BICDL1: variants seen among roughly 807,000 people sequenced by gnomAD.
BICDL1 encodes BICD family like cargo adaptor 1, also known as BICD family-like cargo adapter 1.
A neutral mutation model predicts 76.8 loss-of-function variants in BICDL1; 20 were observed. The ratio of observed to expected loss-of-function variants is 0.26; its 90% CI spans 0.18 to 0.38. The LOEUF is 0.38. BICDL1 is among the 10% of genes least tolerant of loss of function. BICDL1 has a pLI of 1.00. For missense variants in BICDL1, 700 were observed against 798.6 expected, an observed-to-expected ratio of 0.88 and a Z score of 1.49; for synonymous variants, 383 against 337.1, an observed-to-expected ratio of 1.14 and a Z score of -1.49.
At chr12:120,073,004 G>A (rs1490637214) in intron 6 of BICDL1, among the ~76,000 whole-genome samples, 1 of 152,122 alleles carries the variant, frequency 6.6e-6, no homozygotes, top group Non-Finnish European at 1.5e-5. Context: ...CTGAGTAGCT[G>A]GGATTACAGG....
chr12:120,041,488 GCAAA>G (rs1952640648), intron 2 of BICDL1, among the ~76,000 whole-genome samples: 1 of 152,164 alleles, frequency 6.6e-6, no homozygotes. Context: ...GGTTGTGGCA[GCAAA>G]CAAAGGCCCA....
intron 7 of BICDL1, 83 bp from the exon 8 acceptor site, chr12:120,080,804 G>C: frequency 6.6e-7 from 1 of 1,517,136 alleles, no homozygotes; most frequent in South Asian, 1.2e-5. Context: ...GGTCCTGCCT[G>C]GGGTCTCTTT....
At chr12:120,040,897 G>A (rs1238838837) in intron 2 of BICDL1, among the ~76,000 whole-genome samples, 2 of 151,880 alleles carry the variant, frequency 1.3e-5, no homozygotes, top group Non-Finnish European at 2.9e-5. Flanking sequence ...ACAGGCATGT[G>A]CACCACACGT....
intron 2 of BICDL1, among the ~76,000 whole-genome samples, chr12:120,001,403 C>A (rs551196931): frequency 6.6e-6 from 1 of 152,140 alleles, no homozygotes; most frequent in East Asian, 1.9e-4. Flanking sequence ...CCTGCCACCA[C>A]GCCCGGCTAA....
chr12:120,001,969 C>A (rs1951768291), intron 2 of BICDL1, among the ~76,000 whole-genome samples: 1 of 152,136 alleles, frequency 6.6e-6, no homozygotes. Flanking sequence ...GACTTTGAAG[C>A]TGCAATGAGC....
At chr12:120,080,710 C>A (rs1037722363) in intron 7 of BICDL1, 177 bp from the exon 8 acceptor site, 2 of 540,826 alleles carry the variant, frequency 3.7e-6, no homozygotes, top group African/African-American at 3.8e-5. Context: ...TGATGTGGTA[C>A]CCTTTCTTCA....
At chr12:120,027,138 C>T (rs1952323538) in intron 2 of BICDL1, among the ~76,000 whole-genome samples, 1 of 144,432 alleles carries the variant, frequency 6.9e-6, no homozygotes, top group Non-Finnish European at 1.5e-5. Context: ...TCATGTGATT[C>T]TCGTGCCTCA....
Position 120,042,673 on chromosome 12 carries a change from C to T in BICDL1, c.646-19037C>T, listed in dbSNP as rs566134234. On this transcript the variant is annotated intron_variant, in intron 2 of 9. Transcript: ENST00000548673. ...TACAAAAATTAGCTGCGTTTGGTGG[C>T]GGGTGCCTGTAATCCCAGCTACTCA... is the stretch of plus-strand genomic sequence containing the variant. 5.3e-5 allele frequency among the ~76,000 whole-genome samples: 8 copies of T among 151,878 alleles called. No homozygotes were observed. The East Asian group carries it at 1.5e-3, about 29-fold the overall frequency.
intron 2 of BICDL1, among the ~76,000 whole-genome samples, chr12:120,045,560 A>G (rs1566240247): frequency 6.6e-6 from 1 of 152,090 alleles, no homozygotes; most frequent in Non-Finnish European, 1.5e-5. Context: ...AAAATGTGGC[A>G]CATATACACC....
chr12:120,030,681 C>A (rs1214780368), intron 2 of BICDL1, among the ~76,000 whole-genome samples: 23 of 152,142 alleles, frequency 1.5e-4, no homozygotes, highest in Admixed American at 1.5e-3. Context: ...TGCAGGATGA[C>A]CCACATCACT....
At chr12:120,077,144 T>C (rs1873614269) in intron 7 of BICDL1, among the ~76,000 whole-genome samples, 1 of 152,248 alleles carries the variant, frequency 6.6e-6, no homozygotes, top group African/African-American at 2.4e-5. Flanking sequence ...TTTTCTCTCT[T>C]GAAAACTAGG....
At chr12:120,078,217 C>T (rs1222671816) in intron 7 of BICDL1, among the ~76,000 whole-genome samples, 7 of 152,154 alleles carry the variant, frequency 4.6e-5, no homozygotes, top group Non-Finnish European at 1.5e-5. Context: ...TCACAGTTAC[C>T]CTGCTCACAT....
chr12:120,064,950 G>A, intron 4 of BICDL1, 71 bp downstream of exon 4: 1 of 1,509,138 alleles, frequency 6.6e-7, no homozygotes, highest in Non-Finnish European at 8.9e-7. Context: ...AAAAGAAAAG[G>A]CTGGGAGGCC....
At chr12:119,999,015 C>T (rs1309505902) in intron 2 of BICDL1, among the ~76,000 whole-genome samples, 1 of 142,186 alleles carries the variant, frequency 7.0e-6, no homozygotes, top group Non-Finnish European at 1.5e-5. Context: ...TGTGATCAGT[C>T]ATGCCACTAC....
chr12:120,001,489 G>A (rs112839734), intron 2 of BICDL1, among the ~76,000 whole-genome samples: 3,888 of 152,030 alleles, frequency 0.026, 165 homozygotes, highest in African/African-American at 0.088. Flanking sequence ...CTTGTGATCT[G>A]CCCGCCTCGG....
At chr12:120,056,503 G>A (rs950674788) in intron 2 of BICDL1, among the ~76,000 whole-genome samples, 1 of 152,118 alleles carries the variant, frequency 6.6e-6, no homozygotes, top group East Asian at 1.9e-4. Context: ...GGCGGATCAC[G>A]AGGTCAGAAG....
rs147473564 is a variant in BICDL1, at chr12:120,079,809, G to A, written c.1453-1078G>A. 9.8e-5 allele frequency among the ~76,000 whole-genome samples: 15 copies of A among 152,294 alleles called. No individual in the cohort carries two copies. In the East Asian group the frequency reaches 1.4e-3, roughly 14 times the overall value. On this transcript the variant is annotated intron_variant, in intron 7 of 9. Coordinates refer to ENST00000548673, the MANE Select transcript of BICDL1 (RefSeq NM_001367886.1). The surrounding 1 kb of genome is among the most constrained non-coding windows in gnomAD (Gnocchi z 4.3). ...GAAAAGGGACAACAAACAAACTGCCGCCCTTGTCACTAATTCCTCCCTCGC... is the reference window on the plus strand; with the variant it reads ...GAAAAGGGACAACAAACAAACTGCCACCCTTGTCACTAATTCCTCCCTCGC...
At chr12:120,005,740 T>A (rs535426364) in intron 2 of BICDL1, among the ~76,000 whole-genome samples, 31 of 152,350 alleles carry the variant, frequency 2.0e-4, no homozygotes, top group African/African-American at 6.3e-4. Context: ...GAATTTTTTT[T>A]AAAGTATTTT....
At chr12:120,013,519 T>G (rs193062110) in intron 2 of BICDL1, among the ~76,000 whole-genome samples, 27 of 149,542 alleles carry the variant, frequency 1.8e-4, no homozygotes, top group African/African-American at 6.4e-4. Flanking sequence ...TGGAGTGCAG[T>G]GGCGCGATCT....
Sources: gnomAD v4.1 joint callset for allele counts (sites outside exome capture counted in the v4.1 genomes callset) on GRCh38, gnomAD v4.1.1 for gene constraint, Gnocchi (gnomAD v3.1) non-coding constraint, MANE v1.5 for transcripts, NCBI Gene and HGNC (gene_info 2026-07-23, HGNC 2026-07-21) for gene names.